Variants in MGAT4C observed in about 807,000 individuals in gnomAD.
The protein encoded by MGAT4C is alpha-1,3-mannosyl-glycoprotein 4-beta-N-acetylglucosaminyltransferase C.
In MGAT4C, 19 loss-of-function variants were observed where a neutral mutation model predicts 40.1. That is an observed-to-expected ratio of 0.47 (90% CI 0.33 to 0.70). The LOEUF (loss-of-function observed/expected upper bound fraction) is 0.70. Ranked by LOEUF, MGAT4C falls within the 30% of genes least tolerant of loss-of-function variation. The pLI, the probability that MGAT4C is intolerant of heterozygous loss-of-function variation, is 0.02. For missense variants in MGAT4C, 491 were observed against 563.2 expected (o/e 0.87, Z 1.30); for synonymous variants, 181 against 187.1 (o/e 0.97, Z 0.27).
chr12:86,047,250 G>T (rs538668315), intron 2 of MGAT4C, among the ~76,000 whole-genome samples: 44 of 152,184 alleles, frequency 2.9e-4, no homozygotes, highest in Non-Finnish European at 5.3e-4. Context: ...TCCGCAAAAT[G>T]TAAAGAATCA....
chr12:85,996,228 G>A (rs1886606687), intron 2 of MGAT4C, among the ~76,000 whole-genome samples: 2 of 152,122 alleles, frequency 1.3e-5, no homozygotes, highest in South Asian at 4.1e-4. Context: ...TCATAAATAT[G>A]TCCCATAGGC....
At chr12:86,466,795 T>C (rs1469579876) in intron 2 of MGAT4C, among the ~76,000 whole-genome samples, 2 of 152,180 alleles carry the variant, frequency 1.3e-5, no homozygotes, top group African/African-American at 4.8e-5. Flanking sequence ...AGGGAATATA[T>C]GGGAAATTTC....
At chr12:86,600,340 G>C (rs538420007) in intron 2 of MGAT4C, among the ~76,000 whole-genome samples, 1 of 152,298 alleles carries the variant, frequency 6.6e-6, no homozygotes, top group Admixed American at 6.5e-5. Context: ...ACGTGCATCG[G>C]TAGCTGTTCA....
intron 4 of MGAT4C, among the ~76,000 whole-genome samples, chr12:86,316,625 A>G (rs1954240002): frequency 6.6e-6 from 1 of 152,194 alleles, no homozygotes; most frequent in Admixed American, 6.5e-5. Flanking sequence ...ACAAAACAAA[A>G]CAAAAAAACA....
In MGAT4C at chr12:85,965,388, G is replaced by T. The variant is rs896589998; in HGVS notation, c.*13901C>A. ...CGAGGCGGGAGGATCACGAGGTCAG[G>T]AGATCGAGAGCATCCTGGCTAACAA... On this transcript the variant is annotated 3_prime_UTR_variant, in exon 5 of 5. Transcript: ENST00000611864. The T allele has an allele frequency of 6.6e-6, 1 of 152,030 alleles. No individual in the cohort carries two copies. Among genetic ancestry groups the T allele is most frequent in the African/African-American group, 2.4e-5 (1 of 41,378 alleles). 9.4% of individuals were successfully genotyped at this position (152,030 alleles called of 1,614,324 possible).
intron 2 of MGAT4C, among the ~76,000 whole-genome samples, chr12:86,699,994 T>G (rs114778445): frequency 6.0e-5 from 9 of 150,908 alleles, no homozygotes; most frequent in Non-Finnish European, 1.2e-4. Flanking sequence ...ATTGGGCCTA[T>G]GCAGTTCAAA....
intron 1 of MGAT4C, among the ~76,000 whole-genome samples, chr12:86,075,927 T>C (rs2135528734): frequency 1.3e-5 from 2 of 152,306 alleles, no homozygotes; most frequent in Non-Finnish European, 2.9e-5. Flanking sequence ...TTCCCCATGG[T>C]CTTGGTAATT....
intron 2 of MGAT4C, among the ~76,000 whole-genome samples, chr12:86,585,873 T>C (rs1961007305): frequency 6.6e-6 from 1 of 151,414 alleles, no homozygotes. Flanking sequence ...CTAATACTTT[T>C]TAAGCCCTTT....
chr12:86,274,279 G>T (rs965812650), intron 4 of MGAT4C, among the ~76,000 whole-genome samples: 7 of 152,072 alleles, frequency 4.6e-5, no homozygotes, highest in African/African-American at 1.7e-4. Flanking sequence ...CAACATTCAA[G>T]ATTAAAATTT....
intron 3 of MGAT4C, among the ~76,000 whole-genome samples, chr12:86,389,086 T>G (rs1334073624): frequency 1.3e-5 from 2 of 152,166 alleles, no homozygotes; most frequent in African/African-American, 4.8e-5. Context: ...AAGTGCAGAT[T>G]TGTTAGATAG....
intron 2 of MGAT4C, among the ~76,000 whole-genome samples, chr12:86,488,051 C>T (rs7961251): frequency 0.071 from 10,838 of 151,946 alleles, 904 homozygotes; most frequent in East Asian, 0.23. Context: ...CATTAGCTGC[C>T]TGAAATCAGT....
chr12:86,409,918 C>T (rs1956569030), intron 3 of MGAT4C, among the ~76,000 whole-genome samples: 2 of 152,074 alleles, frequency 1.3e-5, no homozygotes, highest in Non-Finnish European at 2.9e-5. Flanking sequence ...TACAGCTGGG[C>T]CTCCAGGGGT....
intron 1 of MGAT4C, among the ~76,000 whole-genome samples, chr12:86,071,578 A>T (rs1414623740): frequency 6.6e-6 from 1 of 152,116 alleles, no homozygotes; most frequent in Admixed American, 6.6e-5. Flanking sequence ...CCAGGAGCAC[A>T]TTCTATTCAC....
chr12:86,200,584 C>T (rs1950014325), intron 1 of MGAT4C, among the ~76,000 whole-genome samples: 1 of 152,036 alleles, frequency 6.6e-6, no homozygotes, highest in African/African-American at 2.4e-5. Flanking sequence ...ATTGTAGTTT[C>T]AATATTTGTT....
intron 2 of MGAT4C, among the ~76,000 whole-genome samples, chr12:86,520,645 TACCA>T (rs1288103744): frequency 1.3e-5 from 2 of 152,146 alleles, no homozygotes; most frequent in African/African-American, 2.4e-5. Flanking sequence ...TTTGAGGAAT[TACCA>T]ACCACTGTCT....
At chr12:86,810,324 T>C (rs1952448550) in intron 1 of MGAT4C, among the ~76,000 whole-genome samples, 1 of 151,944 alleles carries the variant, frequency 6.6e-6, no homozygotes, top group African/African-American at 2.4e-5. Context: ...AATCTGTATT[T>C]CTCTATCTTG....
chr12:86,330,439 G>A (rs964498054), intron 4 of MGAT4C, among the ~76,000 whole-genome samples: 6 of 152,128 alleles, frequency 3.9e-5, no homozygotes, highest in African/African-American at 1.4e-4. Flanking sequence ...TTGTTAATCT[G>A]TCAAGGAGTG....
At chr12:86,288,978 T>C (rs1236802765) in intron 4 of MGAT4C, among the ~76,000 whole-genome samples, 2 of 152,170 alleles carry the variant, frequency 1.3e-5, no homozygotes, top group Non-Finnish European at 2.9e-5. Flanking sequence ...TGTCATGAAA[T>C]CTTTGTCAGG....
chr12:86,706,474 T>C (rs1322796981), intron 2 of MGAT4C, among the ~76,000 whole-genome samples: 1 of 152,074 alleles, frequency 6.6e-6, no homozygotes, highest in Non-Finnish European at 1.5e-5. Context: ...GCCCAGCTGG[T>C]TGCAAACTCC....
Sources: gnomAD v4.1 joint callset for allele counts (sites outside exome capture counted in the v4.1 genomes callset) on GRCh38, gnomAD v4.1.1 for gene constraint, MANE v1.5 for transcripts, NCBI Gene and HGNC (gene_info 2026-07-23, HGNC 2026-07-21) for gene names.